Variants in ADNP2 observed in about 807,000 individuals in gnomAD.
ADNP2 encodes ADNP homeobox 2.
A neutral mutation model predicts 16.4 loss-of-function variants in ADNP2; 8 were observed. The observed-to-expected ratio is 0.49, with a 90% CI of 0.29 to 0.88. The LOEUF is 0.88. Among genes scored for constraint, ADNP2 ranks in the 40% least tolerant of loss-of-function variants. ADNP2 has a pLI of 0.09. For synonymous variants in ADNP2, 637 were observed against 545.8 expected (o/e 1.17, Z -2.33); for missense variants, 1,397 against 1,395.1 (o/e 1.00, Z -0.02).
chr18:80,118,628 T>C lies in ADNP2; in HGVS notation c.108+978T>C, dbSNP rs547687815. On this transcript the variant is annotated intron_variant, in intron 2 of 3. Coordinates refer to ENST00000262198, the MANE Select transcript of ADNP2 (RefSeq NM_014913.4). ...TAAGGTGGAATTCTGTTAGGAAATT[T>C]GTTTTATTTTTAAGTAACATGTCAG... 1.1e-4 allele frequency among the ~76,000 whole-genome samples: 16 copies of C among 152,308 alleles called. No homozygotes were observed. The East Asian group carries it at 2.9e-3, about 28-fold the overall frequency.
At position 80,136,552 on chromosome 18, in the gene ADNP2, C is replaced by T; in HGVS notation, c.1139C>T (p.Pro380Leu). ...PVLPLSQPVG[P>L]VNKSVGTSVL... ...TTGCCCTTGAGTCAGCCAGTCGGACCTGTCAATAAGTCTGTTGGAACTAGT... is the reference window on the plus strand; with the variant it reads ...TTGCCCTTGAGTCAGCCAGTCGGACTTGTCAATAAGTCTGTTGGAACTAGT... Residue 380 changes from proline to leucine, a missense_variant, in exon 4 of 4, where the codon CCT becomes CTT. Physicochemically the swap from Pro to Leu is moderately conservative, Grantham distance 98. Coordinates refer to ENST00000262198, the MANE Select transcript of ADNP2 (RefSeq NM_014913.4). 1 of 1,614,238 alleles carries T rather than the reference C, an allele frequency of 6.2e-7. No homozygotes were observed. Among genetic ancestry groups the T allele is most frequent in the Non-Finnish European group, 8.5e-7 (1 of 1,180,042 alleles).
intron 2 of ADNP2, 116 bp from the exon 3 acceptor site, chr18:80,132,987 C>A: frequency 1.3e-6 from 1 of 760,268 alleles, no homozygotes. Context: ...TCCCAAAGTG[C>A]TGGGATTACA....
At chr18:80,133,578 G>A in intron 3 of ADNP2, 1 of 185,938 alleles carries the variant, frequency 5.4e-6, no homozygotes, top group Non-Finnish European at 1.1e-5. Flanking sequence ...CTGAATCAAG[G>A]AACATTTTAA....
At chr18:80,110,956 G>C (rs2052353441) in intron 1 of ADNP2, among the ~76,000 whole-genome samples, 2 of 152,180 alleles carry the variant, frequency 1.3e-5, no homozygotes, top group South Asian at 4.1e-4. Flanking sequence ...TTTAGCTGAA[G>C]AGATTCTGGG....
intron 1 of ADNP2, among the ~76,000 whole-genome samples, chr18:80,110,693 T>G (rs2052351898): frequency 1.3e-5 from 2 of 152,188 alleles, no homozygotes; most frequent in African/African-American, 4.8e-5. Flanking sequence ...GAGTTGGCCA[T>G]GTATGAGTGT....
At chr18:80,115,262 G>C (rs1229242754) in intron 1 of ADNP2, among the ~76,000 whole-genome samples, 1 of 152,188 alleles carries the variant, frequency 6.6e-6, no homozygotes, top group Non-Finnish European at 1.5e-5. Flanking sequence ...CTGTTGACAT[G>C]CCTCATTGAG....
At chr18:80,129,577 G>T (rs2052483085) in intron 2 of ADNP2, among the ~76,000 whole-genome samples, 1 of 152,142 alleles carries the variant, frequency 6.6e-6, no homozygotes, top group South Asian at 2.1e-4. Context: ...TGTTGTTTCA[G>T]CTTAGTCCCC....
At chr18:80,119,628 G>A (rs986467168) in intron 2 of ADNP2, among the ~76,000 whole-genome samples, 1 of 152,146 alleles carries the variant, frequency 6.6e-6, no homozygotes, top group Non-Finnish European at 1.5e-5. Context: ...GGCTGTTCTT[G>A]TCAGTAGCCT....
intron 3 of ADNP2, 88 bp from the exon 4 acceptor site, chr18:80,135,524 G>A: frequency 7.7e-7 from 1 of 1,303,358 alleles, no homozygotes; most frequent in Admixed American, 2.7e-5. Context: ...CACATTAGAA[G>A]AAAAGGGATC....
At position 80,138,838 on chromosome 18, in the gene ADNP2, TAA is replaced by T; in HGVS notation, c.*31_*32del. On this transcript the variant is annotated 3_prime_UTR_variant, in exon 4 of 4. Transcript: ENST00000262198. The stretch of plus-strand genomic sequence containing the variant: ...TTGCAAAAAAAAAAAAAAGTAACTC[TAA>T]AGTAGTAGGTAGATTTTTTTCAGTT... 7.1e-7 allele frequency: 1 copy of T among 1,408,872 alleles called. No homozygotes were observed. The allele number at this position is 1,408,872 out of a possible 1,614,324, so 87.3% of individuals were successfully genotyped here. A position where few individuals can be genotyped will look rare whatever the true frequency, so the allele number is the denominator to read the frequency against.
rs1295604468 is a variant in ADNP2, at chr18:80,135,817, A to T, written c.404A>T (p.Gln135Leu). 2.5e-6 allele frequency: 4 copies of T among 1,614,116 alleles called. No individual in the cohort carries two copies. The highest frequency in any genetic ancestry group is 3.4e-6 in the Non-Finnish European group (4 of 1,180,024). The part of the protein sequence containing the change: ...RMFHAPVRKV[Q>L]NYTVNILGET... ...TTCCATGCACCTGTCCGGAAAGTCC[A>T]GAACTACACAGTGAATATTTTAGGT... Residue 135 changes from glutamine (Q) to leucine (L), a missense_variant, in exon 4 of 4, where the codon CAG (glutamine) becomes CTG (leucine). This residue lies in a region of ADNP2 where 777 missense variants were observed against 719.4 expected (regional missense o/e 1.08). Transcript: ENST00000262198.
rs962875192 is a variant in ADNP2, at chr18:80,139,542, A to C, written c.*733A>C. 6.5e-6 allele frequency: 1 copy of C among 152,694 alleles called. No homozygotes were observed. Among genetic ancestry groups the C allele is most frequent in the African/African-American group, 2.4e-5 (1 of 41,548 alleles). 9.5% of individuals were successfully genotyped at this position (152,694 alleles called of 1,614,324 possible). Reference sequence around the variant, plus strand: ...AATAAATTTATTCTGTAGATGCAGAAATATTTTTCAGTGTAGATTTTCCCT... The same window carrying C: ...AATAAATTTATTCTGTAGATGCAGACATATTTTTCAGTGTAGATTTTCCCT... On this transcript the variant is annotated 3_prime_UTR_variant, in exon 4 of 4. Coordinates refer to ENST00000262198, the MANE Select transcript of ADNP2 (RefSeq NM_014913.4).
intron 2 of ADNP2, among the ~76,000 whole-genome samples, chr18:80,121,471 ATTTTC>A (rs1361682909): frequency 6.6e-6 from 1 of 152,258 alleles, no homozygotes; most frequent in South Asian, 2.1e-4. Flanking sequence ...ATTTGCATAT[ATTTTC>A]TTCTACAGGT....
chr18:80,134,449 A>G (rs1221829392), intron 3 of ADNP2, among the ~76,000 whole-genome samples: 1 of 151,696 alleles, frequency 6.6e-6, no homozygotes, highest in Non-Finnish European at 1.5e-5. Context: ...ACACAGATTT[A>G]GGAAAGGATG....
chr18:80,130,678 C>G (rs903345438), intron 2 of ADNP2, among the ~76,000 whole-genome samples: 2 of 152,032 alleles, frequency 1.3e-5, no homozygotes, highest in Non-Finnish European at 2.9e-5. Context: ...GGATTCTGCC[C>G]CAGGCCTTGT....
chr18:80,138,652 T>C lies in ADNP2; in HGVS notation c.3239T>C (p.Phe1080Ser), dbSNP rs778709997. ...GAAATAGAACTGTTGTCCTCACTCT[T>C]TTGGGTGTGGAAAATTGATGTGGCT... ...KKEIELLSSL[F>S]WVWKIDVASF... The change falls in exon 4 of 4, where the codon TTT (phenylalanine) becomes TCT (serine). Residue 1080 changes from phenylalanine (F) to serine (S), a missense_variant. Physicochemically the swap from Phe to Ser is radical, Grantham distance 155 (BLOSUM62 -2). This residue lies in a region of ADNP2 where 611 missense variants were observed against 648.7 expected (regional missense o/e 0.94). Transcript: ENST00000262198. 19 of 1,611,748 alleles carry C rather than the reference T, an allele frequency of 1.2e-5. No individual in the cohort carries two copies. The highest frequency in any genetic ancestry group is 1.6e-4 in the Middle Eastern group (1 of 6,072).
intron 1 of ADNP2, among the ~76,000 whole-genome samples, chr18:80,114,830 G>C (rs1429447988): frequency 6.6e-6 from 1 of 152,030 alleles, no homozygotes; most frequent in Non-Finnish European, 1.5e-5. Flanking sequence ...AGCTAGGGCT[G>C]GAATCCTCAA....
intron 2 of ADNP2, among the ~76,000 whole-genome samples, chr18:80,122,175 C>T (rs1373130716): frequency 6.6e-6 from 1 of 152,174 alleles, no homozygotes; most frequent in African/African-American, 2.4e-5. Context: ...CCACCTCAGC[C>T]TCCCGAAGTG....
At chr18:80,127,816 G>A (rs1310706528) in intron 2 of ADNP2, among the ~76,000 whole-genome samples, 3 of 152,204 alleles carry the variant, frequency 2.0e-5, no homozygotes, top group Non-Finnish European at 4.4e-5. Flanking sequence ...TTATGTCACT[G>A]TATTAAGGGG....
Sources: gnomAD v4.1 joint callset for allele counts (sites outside exome capture counted in the v4.1 genomes callset) on GRCh38, gnomAD v4.1.1 for gene constraint, gnomAD v4.1.1 regional missense constraint, MANE v1.5 for transcripts, NCBI Gene and HGNC (gene_info 2026-07-23, HGNC 2026-07-21) for gene names.